The following CIZ1 variants were observed in gnomAD, a reference collection of about 807,000 sequenced individuals.
CIZ1 encodes the protein CDKN1A interacting zinc finger protein 1.
A neutral mutation model predicts 118.6 loss-of-function variants in CIZ1; 58 were observed. That is an observed-to-expected ratio of 0.49 (90% CI 0.40 to 0.61). CIZ1 has a LOEUF of 0.61. Ranked by LOEUF, CIZ1 falls within the 20% of genes least tolerant of loss-of-function variation. The probability of loss-of-function intolerance (pLI) is 0.00; values close to 1 mark genes in which losing one functional copy is unlikely to be tolerated. For synonymous variants in CIZ1, 448 were observed against 443.4 expected (o/e 1.01, Z -0.13); for missense variants, 921 against 1,115.9 (o/e 0.83, Z 2.49).
intron 11 of CIZ1, 125 bp downstream of exon 11, chr9:128,176,226 G>A: frequency 8.2e-7 from 1 of 1,217,480 alleles, no homozygotes; most frequent in Non-Finnish European, 1.2e-6. Context: ...AGTTAACAGT[G>A]TGAGGAGGCC....
intron 10 of CIZ1, among the ~76,000 whole-genome samples, chr9:128,176,930 A>G (rs954385237): frequency 6.6e-6 from 1 of 152,114 alleles, no homozygotes; most frequent in African/African-American, 2.4e-5. Context: ...TCGTTTTGAG[A>G]GTCTCGCTCT....
rs1829857959 is a variant in CIZ1 at position 128,169,457 on chromosome 9, G to A, written c.2094C>T (p.Arg698=). 2.5e-6 allele frequency: 4 copies of A among 1,614,186 alleles called. No individual in the cohort carries two copies. The East Asian group carries it at 8.9e-5, about 36-fold the overall frequency. Residue 698 remains arginine (R), a synonymous_variant, in exon 13 of 17, where the codon CGC becomes CGT. Coordinates refer to ENST00000372938, the MANE Select transcript of CIZ1 (RefSeq NM_001131016.2). Reference sequence around the variant, plus strand: ...GGGACTTCACGTGCTCCACAAACTTGCGAGGGGTTTTGAAGTAGCGGTTGC... The same window carrying A: ...GGGACTTCACGTGCTCCACAAACTTACGAGGGGTTTTGAAGTAGCGGTTGC... ...TVCNRYFKTP[R]KFVEHVKSQG...
chr9:128,180,718 C>T lies in CIZ1; in HGVS notation c.682+3G>A, dbSNP rs199649739. 4.2e-5 allele frequency: 68 copies of T among 1,600,158 alleles called. No homozygotes were observed. The Admixed American group carries it at 1.1e-3, about 27-fold the overall frequency. ...TGAAGGGCCAGCAGCCTCCCTCCCT[C>T]ACCTTCTGGTGTGTCCATCCGGGGC... On this transcript the variant is annotated splice_donor_region_variant and intron_variant, in intron 6 of 16. Transcript: ENST00000372938.
At chr9:128,178,590 C>T in intron 8 of CIZ1, 100 bp from the exon 9 acceptor site, 1 of 1,593,348 alleles carries the variant, frequency 6.3e-7, no homozygotes, top group Non-Finnish European at 8.6e-7. Context: ...ATGGATGGCC[C>T]TGGACCTGGG....
chr9:128,167,154 C>A lies in CIZ1; in HGVS notation c.2306G>T (p.Arg769Ile). 6.3e-7 allele frequency: 1 copy of A among 1,587,870 alleles called. No homozygotes were observed. Residue 769 changes from arginine (R) to isoleucine (I), a missense_variant, in exon 15 of 17, where the codon AGA (arginine) becomes ATA (isoleucine). By Grantham distance (97) the Arg-to-Ile change is moderately conservative. Coordinates refer to ENST00000372938, the MANE Select transcript of CIZ1 (RefSeq NM_001131016.2). ...EEELCKQVRS[R>I]DISREEWKGS... ...CTTCCACTCCTCTCTGGATATATCT[C>A]TGGACCTCACCTGAAAACATGCAAG... is the stretch of plus-strand genomic sequence containing the variant.
At position 128,191,444 on chromosome 9, in the gene CIZ1, C is replaced by T; in HGVS notation, c.-18G>A. On this transcript the variant is annotated 5_prime_UTR_variant, in exon 1 of 17. Coordinates refer to ENST00000372938, the MANE Select transcript of CIZ1 (RefSeq NM_001131016.2). The surrounding 1 kb of genome is among the most constrained non-coding windows in gnomAD (Gnocchi z 5.5). ...CCCGGCCCCGCACCTCGCCTCCCCG[C>T]GCGCCCTCAACGCTCAAGTCGCCCC... The T allele has an allele frequency of 1.0e-6, 1 of 974,058 alleles. No homozygotes were observed. Among genetic ancestry groups the T allele is most frequent in the Non-Finnish European group, 1.2e-6 (1 of 817,490 alleles). 60.3% of individuals were successfully genotyped at this position (974,058 alleles called of 1,614,324 possible). A position where few individuals can be genotyped will look rare whatever the true frequency, so the allele number is the denominator to read the frequency against.
Position 128,178,785 on chromosome 9 carries a change from C to T in CIZ1, c.1422G>A (p.Leu474=), listed in dbSNP as rs771620881. The T allele has an allele frequency of 8.1e-6, 13 of 1,614,160 alleles. No individual in the cohort carries two copies. The highest frequency in any genetic ancestry group is 1.1e-5 in the South Asian group (1 of 91,092). Residue 474 remains leucine, a synonymous_variant, in exon 8 of 17, where the codon CTG becomes CTA. Transcript: ENST00000372938. The part of the protein sequence containing the change: ...QPHTQPQVSL[L]APEQTPVVVH... ...CCACAACTGGTGTTTGCTCTGGAGC[C>T]AGCAACGACACCTGCGGCTGGGTGT...
upstream of CIZ1, among the ~76,000 whole-genome samples, chr9:128,195,853 ATCCCATCAGAATTTT>A (rs1292457975): frequency 6.6e-6 from 1 of 151,998 alleles, no homozygotes; most frequent in African/African-American, 2.4e-5. Flanking sequence ...AGCCTCTGAA[ATCCCATCAGAATTTT>A]TGTTTGTTTG....
At chr9:128,193,556 C>CA (rs1025428447), upstream of CIZ1, among the ~76,000 whole-genome samples, 9 of 151,844 alleles carry the variant, frequency 5.9e-5, no homozygotes, top group Middle Eastern at 3.4e-3. Context: ...ACTAAAAATA[C>CA]AAAAAAAATT....
At chr9:128,172,020 G>A (rs570854202) in intron 11 of CIZ1, among the ~76,000 whole-genome samples, 2 of 151,894 alleles carry the variant, frequency 1.3e-5, no homozygotes, top group Admixed American at 6.6e-5. Flanking sequence ...TGGGCATACC[G>A]CTGGTTCACG....
At chr9:128,186,317 T>C (rs1439289984) in intron 4 of CIZ1, among the ~76,000 whole-genome samples, 1 of 152,052 alleles carries the variant, frequency 6.6e-6, no homozygotes, top group African/African-American at 2.4e-5. Flanking sequence ...CCAGGGTCGC[T>C]ACGAGGGACA....
chr9:128,191,867 G>T (rs1173164306), upstream of CIZ1: 10 of 1,465,476 alleles, frequency 6.8e-6, no homozygotes, highest in South Asian at 1.3e-5. The surrounding 1 kb of genome is among the most constrained non-coding windows in gnomAD (Gnocchi z 5.5). Flanking sequence ...CCCTGCGGCC[G>T]CCGCGGTCCT....
chr9:128,191,709 A>G (rs1833180755), upstream of CIZ1: 2 of 1,308,588 alleles, frequency 1.5e-6, no homozygotes, highest in East Asian at 6.3e-5. The surrounding 1 kb of genome is among the most constrained non-coding windows in gnomAD (Gnocchi z 5.5). Flanking sequence ...AGCAGGTGCG[A>G]GGGGGTCCTG....
chr9:128,167,496 C>G, intron 14 of CIZ1: 2 of 266,628 alleles, frequency 7.5e-6, no homozygotes, highest in Non-Finnish European at 1.4e-5. Context: ...TGGCTACACA[C>G]ATTTTACTAA....
intron 14 of CIZ1, chr9:128,167,435 G>A: frequency 2.1e-6 from 1 of 465,658 alleles, no homozygotes; most frequent in Non-Finnish European, 3.8e-6. Flanking sequence ...CACGCCAGGT[G>A]TGCCCAAGAC....
chr9:128,171,310 T>C (rs1282323405), intron 11 of CIZ1, among the ~76,000 whole-genome samples: 1 of 151,030 alleles, frequency 6.6e-6, no homozygotes, highest in Non-Finnish European at 1.5e-5. Context: ...GCACCTATAG[T>C]CCTAGTTACT....
At chr9:128,180,681 T>G in intron 6 of CIZ1, 40 bp downstream of exon 6, 1 of 1,468,026 alleles carries the variant, frequency 6.8e-7, no homozygotes, top group Non-Finnish European at 9.5e-7. Context: ...CCCCACCCCA[T>G]TCATGTCCCT....
intron 11 of CIZ1, among the ~76,000 whole-genome samples, chr9:128,173,795 A>G (rs1035623176): frequency 1.3e-5 from 2 of 151,980 alleles, no homozygotes; most frequent in African/African-American, 4.8e-5. Context: ...TCACAAGGTC[A>G]GGAGATCAAG....
chr9:128,169,779 A>G, intron 12 of CIZ1: 1 of 1,425,964 alleles, frequency 7.0e-7, no homozygotes, highest in South Asian at 1.2e-5. Context: ...CAGCTGCCCA[A>G]ATAACCCCTG....
Sources: allele counts gnomAD v4.1 joint callset (sites outside exome capture counted in the v4.1 genomes callset), GRCh38; gene constraint gnomAD v4.1.1; non-coding constraint Gnocchi (gnomAD v3.1); transcripts MANE v1.5; gene names NCBI Gene and HGNC (gene_info 2026-07-23, HGNC 2026-07-21).